The following CCSER1 variants were observed in gnomAD, a reference collection of about 807,000 sequenced individuals.
CCSER1 encodes coiled-coil serine rich protein 1.
Under a neutral mutation model 82.0 loss-of-function variants are expected in CCSER1, and 41 were observed. That is an observed-to-expected ratio of 0.50 (90% confidence interval 0.39 to 0.65). The LOEUF (loss-of-function observed/expected upper bound fraction) is 0.65. Ranked by LOEUF, CCSER1 falls within the 30% of genes least tolerant of loss-of-function variation. The probability of loss-of-function intolerance (pLI) is 0.00; values close to 1 mark genes in which losing one functional copy is unlikely to be tolerated. For synonymous variants in CCSER1, 414 were observed against 383.9 expected, an observed-to-expected ratio of 1.08 and a Z score of -0.92; for missense variants, 1,119 against 1,064.2, an observed-to-expected ratio of 1.05 and a Z score of -0.72.
intron 7 of CCSER1, among the ~76,000 whole-genome samples, chr4:90,726,084 T>C (rs1237006653): frequency 6.6e-6 from 1 of 151,892 alleles, no homozygotes; most frequent in African/African-American, 2.4e-5. Flanking sequence ...TGGTGGGTGA[T>C]TGAGGGATTT....
At chr4:91,409,700 TTTCTTTTG>T (rs1354218182) in intron 10 of CCSER1, among the ~76,000 whole-genome samples, 1 of 152,230 alleles carries the variant, frequency 6.6e-6, no homozygotes, top group African/African-American at 2.4e-5. Flanking sequence ...TTTTTCTTTT[TTTCTTTTG>T]CAGAGTCTCG....
At chr4:90,398,338 C>G (rs1752331790) in intron 3 of CCSER1, among the ~76,000 whole-genome samples, 1 of 152,116 alleles carries the variant, frequency 6.6e-6, no homozygotes, top group African/African-American at 2.4e-5. Flanking sequence ...TGGAAGGATA[C>G]AATTAAATCC....
chr4:91,492,412 G>A (rs529792687), intron 10 of CCSER1, among the ~76,000 whole-genome samples: 6 of 152,028 alleles, frequency 3.9e-5, no homozygotes, highest in Admixed American at 6.6e-5. Flanking sequence ...AAGTGCTCTC[G>A]GAGATCTGGG....
At chr4:90,786,403 T>A (rs896537524) in intron 7 of CCSER1, among the ~76,000 whole-genome samples, 1 of 152,188 alleles carries the variant, frequency 6.6e-6, no homozygotes, top group Non-Finnish European at 1.5e-5. Flanking sequence ...ATAGGTTATA[T>A]GATTACTAAA....
chr4:91,578,209 A>C (rs1763541805), intron 10 of CCSER1, among the ~76,000 whole-genome samples: 1 of 152,016 alleles, frequency 6.6e-6, no homozygotes, highest in East Asian at 1.9e-4. Context: ...GTCAATATCC[A>C]TAAAACTATG....
At chr4:90,299,353 T>G (rs114227440) in intron 1 of CCSER1, among the ~76,000 whole-genome samples, 6 of 152,164 alleles carry the variant, frequency 3.9e-5, no homozygotes, top group African/African-American at 1.4e-4. Flanking sequence ...ACATTTCTTA[T>G]ATAAGCAATT....
intron 1 of CCSER1, among the ~76,000 whole-genome samples, chr4:90,266,342 G>A (rs1725220894): frequency 6.6e-6 from 1 of 151,852 alleles, no homozygotes; most frequent in African/African-American, 2.4e-5. Context: ...TGTTTTCTCT[G>A]TATTGTATGT....
At chr4:91,337,697 G>A (rs867813390) in intron 10 of CCSER1, among the ~76,000 whole-genome samples, 1 of 152,006 alleles carries the variant, frequency 6.6e-6, no homozygotes, top group African/African-American at 2.4e-5. Flanking sequence ...GTTCCCCAAG[G>A]CTTTTTCCTC....
intron 1 of CCSER1, among the ~76,000 whole-genome samples, chr4:90,255,106 A>G (rs1006889076): frequency 6.6e-6 from 1 of 152,154 alleles, no homozygotes; most frequent in African/African-American, 2.4e-5. Context: ...TTTTTAAAGC[A>G]TAAGTCAAGC....
At chr4:91,562,124 T>C (rs1247924485) in intron 10 of CCSER1, among the ~76,000 whole-genome samples, 1 of 151,502 alleles carries the variant, frequency 6.6e-6, no homozygotes, top group Admixed American at 6.6e-5. Context: ...TAATGTAACT[T>C]CAATCACATT....
chr4:90,584,003 T>C (rs1254143019), intron 5 of CCSER1, among the ~76,000 whole-genome samples: 1 of 152,208 alleles, frequency 6.6e-6, no homozygotes, highest in Non-Finnish European at 1.5e-5. Flanking sequence ...TAATTGTGCA[T>C]ATTAATTCAA....
chr4:91,477,608 C>A (rs139124250), intron 10 of CCSER1, among the ~76,000 whole-genome samples: 1 of 151,620 alleles, frequency 6.6e-6, no homozygotes, highest in African/African-American at 2.4e-5. Context: ...AGTACTTTTT[C>A]ACATGTATGT....
At chr4:90,620,436 G>T (rs559982989) in intron 5 of CCSER1, among the ~76,000 whole-genome samples, 1 of 152,182 alleles carries the variant, frequency 6.6e-6, no homozygotes, top group South Asian at 2.1e-4. Context: ...TACTAAATTT[G>T]ATTAGTCTAT....
intron 1 of CCSER1, among the ~76,000 whole-genome samples, chr4:90,289,304 C>T (rs1730484159): frequency 6.6e-6 from 1 of 151,716 alleles, no homozygotes; most frequent in Admixed American, 6.6e-5. Flanking sequence ...TGTCCTTTTA[C>T]CTTATAGGAA....
intron 10 of CCSER1, among the ~76,000 whole-genome samples, chr4:91,462,369 T>TG (rs1329852957): frequency 6.6e-6 from 1 of 152,110 alleles, no homozygotes; most frequent in African/African-American, 2.4e-5. Context: ...AAAGAAAATA[T>TG]GGGAAGGGTG....
chr4:90,155,622 C>G (rs1211978444), intron 1 of CCSER1, among the ~76,000 whole-genome samples: 1 of 152,154 alleles, frequency 6.6e-6, no homozygotes, highest in Non-Finnish European at 1.5e-5. Context: ...GTGTATGTGT[C>G]AAGGAATTTA....
intron 10 of CCSER1, among the ~76,000 whole-genome samples, chr4:91,590,446 C>CTCTT (rs1314676497): frequency 8.5e-5 from 13 of 152,104 alleles, no homozygotes; most frequent in Non-Finnish European, 1.9e-4. Flanking sequence ...TTTAACAGAA[C>CTCTT]TCTTTATCAC....
intron 10 of CCSER1, among the ~76,000 whole-genome samples, chr4:91,107,667 A>G (rs1725755179): frequency 6.6e-6 from 1 of 150,684 alleles, no homozygotes; most frequent in African/African-American, 2.4e-5. Context: ...GATGTTTGAA[A>G]AGAAGAAAAA....
chr4:90,329,146 AAGT>A (rs149456444), intron 3 of CCSER1, among the ~76,000 whole-genome samples: 4,243 of 152,322 alleles, frequency 0.028, 67 homozygotes, highest in South Asian at 0.045. Context: ...AATATGAACA[AAGT>A]AGGAAAACTT....
Sources: allele counts gnomAD v4.1 joint callset (sites outside exome capture counted in the v4.1 genomes callset), GRCh38; gene constraint gnomAD v4.1.1; transcripts MANE v1.5; gene names NCBI Gene and HGNC (gene_info 2026-07-23, HGNC 2026-07-21).